The following MGAM variants were observed in gnomAD, a reference collection of about 807,000 sequenced individuals.
MGAM encodes the protein alpha-1,4-glucosidase.
A neutral mutation model predicts 358.8 loss-of-function variants in MGAM; 253 were observed. The ratio of observed to expected loss-of-function variants is 0.71; its 90% CI spans 0.64 to 0.78. The LOEUF (loss-of-function observed/expected upper bound fraction) is 0.78. Ranked by LOEUF, MGAM falls within the 30% of genes least tolerant of loss-of-function variation. The probability of loss-of-function intolerance (pLI) is 0.00; values close to 1 mark genes in which losing one functional copy is unlikely to be tolerated. For synonymous variants in MGAM, 1,105 were observed against 1,227.1 expected, an observed-to-expected ratio of 0.90 and a Z score of 2.08; for missense variants, 3,080 against 3,432.6, an observed-to-expected ratio of 0.90 and a Z score of 2.57.
intron 68 of MGAM, among the ~76,000 whole-genome samples, chr7:142,101,953 A>T (rs939578015): frequency 1.3e-5 from 2 of 151,692 alleles, no homozygotes; most frequent in African/African-American, 4.8e-5. Context: ...GTGAAAGAAA[A>T]AGAAAGGGGC....
chr7:142,067,984 A>T lies in MGAM; in HGVS notation c.5004+559A>T, dbSNP rs1356747901. ...TATATAAATATATATATATATATAT[A>T]TATTTTTTTTTTTTTTTTTTTGAGA... On this transcript the variant is annotated intron_variant, in intron 42 of 70. Transcript: ENST00000475668. 7.7e-3 allele frequency among the ~76,000 whole-genome samples: 45 copies of T among 5,818 alleles called. 4 individuals are homozygous for T. The highest frequency in any genetic ancestry group is 9.6e-3 in the African/African-American group (38 of 3,974). The allele number at this position is 5,818 out of a possible 152,430, so 3.8% of individuals were successfully genotyped here.
At chr7:141,987,079 G>T (rs997332580) in intron 2 of MGAM, among the ~76,000 whole-genome samples, 6 of 152,152 alleles carry the variant, frequency 3.9e-5, no homozygotes. Context: ...TCATAGCAGG[G>T]CTAGCAGGGA....
intron 59 of MGAM, 22 bp downstream of exon 59, chr7:142,092,630 G>T: frequency 6.6e-7 from 1 of 1,505,536 alleles, no homozygotes. Context: ...TGGCCTTCTT[G>T]ATTGGCAGAG....
At chr7:142,039,840 T>A (rs1451278912) in intron 19 of MGAM, among the ~76,000 whole-genome samples, 1 of 152,132 alleles carries the variant, frequency 6.6e-6, no homozygotes, top group Non-Finnish European at 1.5e-5. Flanking sequence ...GTTGGGAAAA[T>A]TAAATGAGGT....
At chr7:142,068,319 A>G (rs1471314271) in intron 42 of MGAM, among the ~76,000 whole-genome samples, 2 of 142,940 alleles carry the variant, frequency 1.4e-5, no homozygotes, top group African/African-American at 2.5e-5. Context: ...TATACCCACA[A>G]AATTTTCTTC....
Position 142,052,575 on chromosome 7 carries a change from A to G in MGAM, c.2958+129A>G, listed in dbSNP as rs572122041. The stretch of plus-strand genomic sequence containing the variant: ...AAGAACTTCCTAAGGGACAGGATCT[A>G]GATGTGACAAGTAGGTGGGGACATG... On this transcript the variant is annotated intron_variant, in intron 25 of 70. Transcript: ENST00000475668. The G allele has an allele frequency of 1.0e-4, 138 of 1,371,266 alleles. 4 individuals are homozygous for G. In the South Asian group the frequency reaches 2.0e-3, roughly 20 times the overall value. The allele number at this position is 1,371,266 out of a possible 1,614,324, so 84.9% of individuals were successfully genotyped here.
At chr7:142,037,097 T>G in intron 18 of MGAM, 120 bp downstream of exon 18, 2 of 1,005,448 alleles carry the variant, frequency 2.0e-6, no homozygotes, top group Non-Finnish European at 3.0e-6. Flanking sequence ...TATCTGTATC[T>G]ATATCTGTAA....
chr7:142,051,536 A>G (rs1810951314), intron 24 of MGAM, among the ~76,000 whole-genome samples: 1 of 152,192 alleles, frequency 6.6e-6, no homozygotes, highest in African/African-American at 2.4e-5. Flanking sequence ...AACTATATAG[A>G]AAAATATTAA....
In MGAM at chr7:142,099,646, A is replaced by G. The variant is rs2129065266; in HGVS notation, c.7783A>G (p.Thr2595Ala). Residue 2595 changes from threonine to alanine, a missense_variant, in exon 67 of 71, where the codon ACC (threonine) becomes GCC (alanine). Physicochemically the swap from Thr to Ala is moderately conservative, Grantham distance 58 (BLOSUM62 0). Transcript: ENST00000475668. ...TATTAATGCAAGAGGAGAGTGGAAG[A>G]CCTTGCCAGCCCCTCTTGACCACAT... ...VDINARGEWK[T>A]LPAPLDHINL... The G allele has an allele frequency of 6.2e-7, 1 of 1,613,890 alleles. No individual in the cohort carries two copies. Among genetic ancestry groups the G allele is most frequent in the Non-Finnish European group, 8.5e-7 (1 of 1,179,844 alleles).
intron 43 of MGAM, among the ~76,000 whole-genome samples, chr7:142,070,671 T>C (rs1435862494): frequency 1.4e-5 from 2 of 145,848 alleles, no homozygotes; most frequent in African/African-American, 2.4e-5. Flanking sequence ...AAAGCCCTGC[T>C]CTAGTTGAGA....
Position 142,087,040 on chromosome 7 carries a change from C to T in MGAM, c.6810+323C>T, listed in dbSNP as rs112922830. Among the ~76,000 whole-genome samples the T allele has an allele frequency of 1.6e-3, 171 of 104,340 alleles. 9 individuals carry two copies. The highest frequency in any genetic ancestry group is 0.012 in the South Asian group (40 of 3,358). 68.5% of individuals were successfully genotyped at this position (104,340 alleles called of 152,430 possible). A position where few individuals can be genotyped will look rare whatever the true frequency, so the allele number is the denominator to read the frequency against. ...AAAGGCCCAAGAAATTCCCACTGGG[C>T]GATACCTCCTAGCAGTGCCATCTTT... On this transcript the variant is annotated intron_variant, in intron 57 of 70. Coordinates refer to ENST00000475668, the MANE Select transcript of MGAM (RefSeq NM_001365693.1).
chr7:142,078,852 C>T lies in MGAM; in HGVS notation c.5691C>T (p.Asp1897=), dbSNP rs758788196. ...TCCCTTTTTGCTATTTTGTCAACGA[C>T]CTATACTCTGTCAGTGATGTTCAGT... is the stretch of plus-strand genomic sequence containing the variant. The part of the protein sequence containing the change: ...SGVPFCYFVN[D]LYSVSDVQYN... The change falls in exon 49 of 71, where the codon GAC becomes GAT. Residue 1897 remains aspartate, a synonymous_variant. Transcript: ENST00000475668. 8.4e-6 allele frequency: 13 copies of T among 1,555,606 alleles called. 1 individual carries two copies. The African/African-American group carries it at 1.1e-4, about 13-fold the overall frequency.
At chr7:142,006,172 C>T (rs1410229088) in intron 2 of MGAM, among the ~76,000 whole-genome samples, 1 of 151,990 alleles carries the variant, frequency 6.6e-6, no homozygotes, top group Non-Finnish European at 1.5e-5. Flanking sequence ...CTTTGTAATG[C>T]AGTCTTTTTT....
intron 57 of MGAM, among the ~76,000 whole-genome samples, chr7:142,089,853 A>T (rs1815201599): frequency 6.9e-6 from 1 of 145,784 alleles, no homozygotes. Flanking sequence ...CTTTGCACCA[A>T]CCTAATATTT....
At chr7:142,003,142 C>T (rs1209589417) in intron 1 of MGAM, among the ~76,000 whole-genome samples, 5 of 152,006 alleles carry the variant, frequency 3.3e-5, no homozygotes, top group African/African-American at 1.2e-4. Context: ...GACCATACTG[C>T]CCAAAGCAAT....
chr7:142,037,819 A>G (rs1410142369), intron 18 of MGAM, among the ~76,000 whole-genome samples: 2 of 152,182 alleles, frequency 1.3e-5, no homozygotes, highest in African/African-American at 2.4e-5. Flanking sequence ...ATGTTTTGAT[A>G]TAAGTGTGCG....
At position 142,038,069 on chromosome 7, in the gene MGAM, G is replaced by A. The variant is rs184332380; in HGVS notation, c.2232-462G>A. ...TCCCAGCCCCTCACTACCCTTCCCA[G>A]CCTCTGGTAACCGTCCTTCTACTCT... On this transcript the variant is annotated intron_variant, in intron 18 of 70. Transcript: ENST00000475668. Among the ~76,000 whole-genome samples the A allele has an allele frequency of 4.1e-3, 630 of 151,858 alleles. 2 individuals are homozygous for A. Among genetic ancestry groups the A allele is most frequent in the African/African-American group, 0.014 (600 of 41,388 alleles).
chr7:142,061,115 T>A (rs977326319), intron 34 of MGAM, among the ~76,000 whole-genome samples: 1 of 152,166 alleles, frequency 6.6e-6, no homozygotes, highest in African/African-American at 2.4e-5. Flanking sequence ...GAGTTGAATA[T>A]GGACAGGCAA....
intron 10 of MGAM, among the ~76,000 whole-genome samples, chr7:142,029,483 T>G (rs1233847115): frequency 2.0e-5 from 3 of 152,190 alleles, no homozygotes; most frequent in Non-Finnish European, 2.9e-5. Context: ...TATGCCATTT[T>G]CCTTACTTAT....
Sources: allele counts gnomAD v4.1 joint callset (sites outside exome capture counted in the v4.1 genomes callset), GRCh38; gene constraint gnomAD v4.1.1; transcripts MANE v1.5; gene names NCBI Gene and HGNC (gene_info 2026-07-23, HGNC 2026-07-21).